PCCA: variants seen among roughly 807,000 people sequenced by gnomAD.
PCCA encodes propionyl-CoA carboxylase subunit alpha.
PCCA carries 74 observed loss-of-function variants against 101.3 expected under a neutral mutation model. The ratio of observed to expected loss-of-function variants is 0.73; its 90% confidence interval spans 0.61 to 0.89. The LOEUF (loss-of-function observed/expected upper bound fraction) is 0.89, where lower values mean the gene tolerates loss of function less well. Ranked by LOEUF, PCCA falls within the 40% of genes least tolerant of loss-of-function variation. PCCA has a pLI of 0.00. For synonymous variants in PCCA, 294 were observed against 313.6 expected, an observed-to-expected ratio of 0.94 and a Z score of 0.66; for missense variants, 891 against 907.0, an observed-to-expected ratio of 0.98 and a Z score of 0.23.
At chr13:100,218,923 A>G (rs139350830) in intron 7 of PCCA, among the ~76,000 whole-genome samples, 23 of 152,318 alleles carry the variant, frequency 1.5e-4, no homozygotes, top group African/African-American at 4.6e-4. Context: ...CTAAGGATCT[A>G]TGTAAGGACA....
At chr13:100,405,769 CTTTTTTTT>C (rs34906541) in intron 19 of PCCA, among the ~76,000 whole-genome samples, 2 of 116,400 alleles carry the variant, frequency 1.7e-5, no homozygotes, top group African/African-American at 3.3e-5. Flanking sequence ...AAGTGACATT[CTTTTTTTT>C]TTTTTTTTTT....
chr13:100,174,110 A>G (rs1431957224), intron 6 of PCCA, among the ~76,000 whole-genome samples: 1 of 152,156 alleles, frequency 6.6e-6, no homozygotes, highest in South Asian at 2.1e-4. Flanking sequence ...GCGGTTTCAC[A>G]TGTGCTTAAA....
At chr13:100,140,161 TC>T (rs2051693954) in intron 4 of PCCA, among the ~76,000 whole-genome samples, 1 of 152,196 alleles carries the variant, frequency 6.6e-6, no homozygotes, top group Non-Finnish European at 1.5e-5. Flanking sequence ...CACTTTTCAG[TC>T]TTCTTACTTA....
intron 21 of PCCA, among the ~76,000 whole-genome samples, chr13:100,472,849 G>A (rs898120828): frequency 2.0e-5 from 3 of 150,366 alleles, no homozygotes; most frequent in South Asian, 2.1e-4. Flanking sequence ...TAAGTCCCTG[G>A]AAAATGTTAA....
At chr13:100,435,402 G>A (rs1429449002) in intron 20 of PCCA, among the ~76,000 whole-genome samples, 2 of 152,198 alleles carry the variant, frequency 1.3e-5, no homozygotes, top group African/African-American at 2.4e-5. Flanking sequence ...GAGATTTGGA[G>A]CGGACACATC....
chr13:100,257,749 A>G, intron 9 of PCCA, 76 bp downstream of exon 9: 1 of 967,490 alleles, frequency 1.0e-6, no homozygotes, highest in Middle Eastern at 2.1e-4. Context: ...AGGTAAACAG[A>G]TACCAAAAGC....
intron 21 of PCCA, among the ~76,000 whole-genome samples, chr13:100,458,764 A>G (rs1566365542): frequency 6.6e-6 from 1 of 152,192 alleles, no homozygotes; most frequent in Non-Finnish European, 1.5e-5. Context: ...TTTATGACCC[A>G]GGAGGATGGC....
At chr13:100,254,360 A>T (rs1030461446) in intron 8 of PCCA, among the ~76,000 whole-genome samples, 2 of 152,226 alleles carry the variant, frequency 1.3e-5, no homozygotes, top group Non-Finnish European at 2.9e-5. Context: ...AATTAAACAA[A>T]TACAGTATAG....
In PCCA at chr13:100,425,642, G is replaced by T. The variant is rs2079091190; in HGVS notation, c.1756G>T (p.Asp586Tyr). The change falls in exon 20 of 24, where the codon GAT (aspartate) becomes TAT (tyrosine). Residue 586 changes from aspartate to tyrosine, a missense_variant. Asp to Tyr is a radical substitution (Grantham distance 160). Transcript: ENST00000376285. ...NNGSVFSVEV[D>Y]GSKLNVTSTW... ...TTTGGTGTCACAACAGGTGGAAGTT[G>T]ATGGGTCGAAACTAAATGTGACCAG... The T allele has an allele frequency of 1.2e-6, 2 of 1,612,810 alleles. No individual in the cohort carries two copies. Among genetic ancestry groups the T allele is most frequent in the Admixed American group, 1.7e-5 (1 of 60,006 alleles).
chr13:100,204,534 C>T (rs1448614539), intron 6 of PCCA, among the ~76,000 whole-genome samples: 3 of 152,120 alleles, frequency 2.0e-5, no homozygotes, highest in African/African-American at 7.2e-5. Flanking sequence ...AATCTGAATT[C>T]ATAATATAGC....
intron 19 of PCCA, among the ~76,000 whole-genome samples, chr13:100,370,651 A>G (rs1464355645): frequency 6.6e-6 from 1 of 152,176 alleles, no homozygotes; most frequent in Non-Finnish European, 1.5e-5. Context: ...GCATGTGCAC[A>G]TGATAGTGTA....
At chr13:100,200,329 T>C (rs375924153) in intron 6 of PCCA, among the ~76,000 whole-genome samples, 3 of 152,178 alleles carry the variant, frequency 2.0e-5, no homozygotes, top group East Asian at 3.9e-4. Context: ...TGGTCTCGAT[T>C]TCCTGACCTC....
intron 19 of PCCA, among the ~76,000 whole-genome samples, chr13:100,395,345 CT>C (rs2076994889): frequency 6.6e-6 from 1 of 152,208 alleles, no homozygotes; most frequent in Admixed American, 6.5e-5. Context: ...ATTCACCAGA[CT>C]CAGCACTGCG....
At chr13:100,458,025 A>C (rs536450282) in intron 21 of PCCA, among the ~76,000 whole-genome samples, 1 of 152,288 alleles carries the variant, frequency 6.6e-6, no homozygotes, top group African/African-American at 2.4e-5. Context: ...TGGGAACATG[A>C]AGGACCACCT....
At chr13:100,271,750 C>T (rs2063333751) in intron 11 of PCCA, among the ~76,000 whole-genome samples, 1 of 152,048 alleles carries the variant, frequency 6.6e-6, no homozygotes, top group Non-Finnish European at 1.5e-5. Flanking sequence ...AGTTGTGTTA[C>T]AAAAGGGTAC....
chr13:100,267,263 A>G (rs894971576), intron 10 of PCCA, among the ~76,000 whole-genome samples: 13 of 152,198 alleles, frequency 8.5e-5, no homozygotes, highest in Non-Finnish European at 1.6e-4. Flanking sequence ...AATGATTTCA[A>G]ATATTTTTAG....
intron 5 of PCCA, among the ~76,000 whole-genome samples, chr13:100,155,386 G>C (rs1051593766): frequency 6.6e-6 from 1 of 152,178 alleles, no homozygotes; most frequent in Admixed American, 6.5e-5. Context: ...AATTAGTTTT[G>C]AGTATTAACC....
chr13:100,308,638 A>C (rs1312235137), intron 15 of PCCA, among the ~76,000 whole-genome samples: 1 of 152,204 alleles, frequency 6.6e-6, no homozygotes, highest in East Asian at 1.9e-4. Flanking sequence ...AGTTATTAGT[A>C]GTATTAAAAT....
chr13:100,106,829 TCTTTG>T (rs1460135620), intron 2 of PCCA, among the ~76,000 whole-genome samples: 2 of 152,244 alleles, frequency 1.3e-5, no homozygotes, highest in African/African-American at 4.8e-5. Flanking sequence ...CTCCCTGCTA[TCTTTG>T]CCATCTCCTT....
Sources: allele counts gnomAD v4.1 joint callset (sites outside exome capture counted in the v4.1 genomes callset), GRCh38; gene constraint gnomAD v4.1.1; transcripts MANE v1.5; gene names NCBI Gene and HGNC (gene_info 2026-07-23, HGNC 2026-07-21).